Variants in OTOG observed in about 807,000 individuals in gnomAD.
OTOG encodes the protein otogelin.
A neutral mutation model predicts 313.8 loss-of-function variants in OTOG; 296 were observed. The ratio of observed to expected loss-of-function variants is 0.94; its 90% confidence interval spans 0.86 to 1.04. The LOEUF is 1.04. Among genes scored for constraint, OTOG ranks in the 50% least tolerant of loss-of-function variants. The pLI is 0.00. For missense variants in OTOG, 3,948 were observed against 3,840.1 expected, an observed-to-expected ratio of 1.03 and a Z score of -0.74; for synonymous variants, 1,533 against 1,554.9, an observed-to-expected ratio of 0.99 and a Z score of 0.33.
Position 17,611,277 on chromosome 11 carries a change from T to C in OTOG, c.5977T>C (p.Ser1993Pro), listed in dbSNP as rs1439648813. ...LPQLAEAHGTSAGPHLAAEPV... is the reference protein window; with the variant it reads ...LPQLAEAHGTPAGPHLAAEPV... ...TCAGCTGGCTGAGGCCCATGGAACC[T>C]CGGCAGGGCCTCACCTGGCAGCAGA... The change falls in exon 36 of 56, where the codon TCG becomes CCG. Residue 1993 changes from serine (S) to proline (P), a missense_variant. Physicochemically the swap from Ser to Pro is moderately conservative, Grantham distance 74 (BLOSUM62 -1). Transcript: ENST00000399397. 6.5e-7 allele frequency: 1 copy of C among 1,550,224 alleles called. No individual in the cohort carries two copies. Among genetic ancestry groups the C allele is most frequent in the Non-Finnish European group, 8.7e-7 (1 of 1,146,940 alleles).
In OTOG at chr11:17,602,244, G is replaced by T; in HGVS notation, c.3744G>T (p.Leu1248Phe). 9 of 1,550,578 alleles carry T rather than the reference G, an allele frequency of 5.8e-6. 1 individual carries two copies. The highest frequency in any genetic ancestry group is 3.4e-4 in the Middle Eastern group (2 of 5,970). Reference protein sequence around the residue: ...LGKGPYQLSSLAAGGALVGMK... With the variant: ...LGKGPYQLSSFAAGGALVGMK... Reference sequence around the variant, plus strand: ...AGGGCCCCTATCAGCTATCCAGCTTGGCAGCCGGTGGTGCTCTGGTGGGCA... The same window carrying T: ...AGGGCCCCTATCAGCTATCCAGCTTTGCAGCCGGTGGTGCTCTGGTGGGCA... The change falls in exon 32 of 56, where the codon TTG (leucine) becomes TTT (phenylalanine). Residue 1248 changes from leucine (L) to phenylalanine (F), a missense_variant. Physicochemically the swap from Leu to Phe is conservative, Grantham distance 22. Transcript: ENST00000399397.
intron 12 of OTOG, among the ~76,000 whole-genome samples, chr11:17,559,987 G>A (rs1251594146): frequency 6.6e-6 from 1 of 152,198 alleles, no homozygotes; most frequent in African/African-American, 2.4e-5. Flanking sequence ...TAAGGGAAGT[G>A]AGGGTGAGGA....
chr11:17,630,436 G>A (rs1854094741), intron 40 of OTOG, among the ~76,000 whole-genome samples: 1 of 152,160 alleles, frequency 6.6e-6, no homozygotes, highest in Non-Finnish European at 1.5e-5. Context: ...GTGTGACCAT[G>A]GGAACCATTA....
chr11:17,620,800 T>C (rs1404927630), intron 39 of OTOG, among the ~76,000 whole-genome samples: 7 of 152,226 alleles, frequency 4.6e-5, no homozygotes, highest in Non-Finnish European at 7.3e-5. Flanking sequence ...CATCATTCTC[T>C]TGGGTCTTTT....
chr11:17,547,500 C>T, intron 1 of OTOG, 34 bp downstream of exon 1: 1 of 1,325,130 alleles, frequency 7.5e-7, no homozygotes, highest in Non-Finnish European at 9.6e-7. Flanking sequence ...AGGTCGGGGG[C>T]TCGAGGAATG....
Position 17,596,990 on chromosome 11 carries a change from G to T in OTOG, c.3665G>T (p.Arg1222Leu). Residue 1222 changes from arginine to leucine, a missense_variant, in exon 30 of 56, where the codon CGA becomes CTA. Physicochemically the swap from Arg to Leu is moderately radical, Grantham distance 102 (BLOSUM62 -2). Coordinates refer to ENST00000399397, the MANE Select transcript of OTOG (RefSeq NM_001292063.2). Reference sequence around the variant, plus strand: ...CAGCATGGGGTGGCTGTTGACTGGCGAACCCCCCGCCTCTGCCGTGAGTGT... The same window carrying T: ...CAGCATGGGGTGGCTGTTGACTGGCTAACCCCCCGCCTCTGCCGTGAGTGT... Reference protein sequence around the residue: ...CCQHGVAVDWRTPRLCPYDCD... With the variant: ...CCQHGVAVDWLTPRLCPYDCD... 6.5e-7 allele frequency: 1 copy of T among 1,548,680 alleles called. No homozygotes were observed. The highest frequency in any genetic ancestry group is 1.2e-5 in the South Asian group (1 of 84,026).
At chr11:17,563,825 C>T (rs1034918403) in intron 15 of OTOG, among the ~76,000 whole-genome samples, 1 of 151,182 alleles carries the variant, frequency 6.6e-6, no homozygotes, top group African/African-American at 2.4e-5. Context: ...GTACCACAGA[C>T]ACGTGCCACC....
Position 17,611,118 on chromosome 11 carries a change from C to T in OTOG, c.5818C>T (p.His1940Tyr), listed in dbSNP as rs748280789. The T allele has an allele frequency of 3.9e-6, 6 of 1,550,568 alleles. No homozygotes were observed. Among genetic ancestry groups the T allele is most frequent in the Non-Finnish European group, 5.2e-6 (6 of 1,146,950 alleles). ...CACAGAGCTCACGCCTGCTACGAGC[C>T]ACCCTCTCACGCCCTTGGTGGCTGA... The part of the protein sequence containing the change: ...GPTELTPATS[H>Y]PLTPLVAEPE... The change falls in exon 36 of 56, where the codon CAC becomes TAC. Residue 1940 changes from histidine to tyrosine, a missense_variant. By Grantham distance (83) the His-to-Tyr change is moderately conservative. Coordinates refer to ENST00000399397, the MANE Select transcript of OTOG (RefSeq NM_001292063.2).
chr11:17,640,966 A>G lies in OTOG; in HGVS notation c.8065A>G (p.Thr2689Ala). 2 of 1,548,510 alleles carry G rather than the reference A, an allele frequency of 1.3e-6. No individual in the cohort carries two copies. The highest frequency in any genetic ancestry group is 1.7e-6 in the Non-Finnish European group (2 of 1,146,958). ...GCTGGGTGTGATGCAGCCCGGCCAG[A>G]CAGTGGTGGAGCTCTCAGCAGATGG... ...RELGVMQPGQ[T>A]VVELSADGVC... Residue 2689 changes from threonine to alanine, a missense_variant, in exon 51 of 56, where the codon ACA (threonine) becomes GCA (alanine). Coordinates refer to ENST00000399397, the MANE Select transcript of OTOG (RefSeq NM_001292063.2).
intron 39 of OTOG, among the ~76,000 whole-genome samples, chr11:17,619,940 A>G (rs1317605368): frequency 6.6e-6 from 1 of 152,154 alleles, no homozygotes; most frequent in Admixed American, 6.6e-5. Flanking sequence ...TCTACTGGTG[A>G]TAAATTCTTT....
chr11:17,634,602 T>A (rs2133708572), intron 44 of OTOG, among the ~76,000 whole-genome samples: 1 of 152,250 alleles, frequency 6.6e-6, no homozygotes, highest in Non-Finnish European at 1.5e-5. Flanking sequence ...ATCGGGCCCA[T>A]CTTTGGGGTT....
intron 14 of OTOG, 99 bp from the exon 15 acceptor site, chr11:17,561,563 G>C (rs772311232): frequency 8.1e-5 from 104 of 1,276,750 alleles, no homozygotes; most frequent in Non-Finnish European, 1.0e-4. Context: ...CTCTTATTCT[G>C]GAGGGCAGGG....
chr11:17,595,482 G>A (rs933978183), intron 28 of OTOG, among the ~76,000 whole-genome samples: 8 of 152,218 alleles, frequency 5.3e-5, no homozygotes, highest in African/African-American at 1.9e-4. Context: ...CCAGGAGTCA[G>A]GACACGGCCT....
intron 29 of OTOG, 22 bp downstream of exon 29, chr11:17,596,176 C>T (rs1853100252): frequency 6.6e-7 from 1 of 1,515,376 alleles, no homozygotes; most frequent in Non-Finnish European, 9.0e-7. Context: ...CCAGCCTCGG[C>T]TCCTCCCGAG....
chr11:17,571,527 T>C (rs1482110504), intron 17 of OTOG, among the ~76,000 whole-genome samples: 3 of 152,190 alleles, frequency 2.0e-5, no homozygotes, highest in Non-Finnish European at 2.9e-5. Context: ...GACGGTTTCC[T>C]ACTGAGAGAG....
chr11:17,642,235 G>C lies in OTOG; in HGVS notation c.8404G>C (p.Glu2802Gln). Residue 2802 changes from glutamate (E) to glutamine (Q), a missense_variant, in exon 53 of 56, where the codon GAG (glutamate) becomes CAG (glutamine). Coordinates refer to ENST00000399397, the MANE Select transcript of OTOG (RefSeq NM_001292063.2). ...AAGCTGCCCACCGCTCAATGAGACT[G>C]AGTGTGCCAAGGTCAGTGCCTCCTT... Reference protein sequence around the residue: ...PISCPPLNETECAKVGGSVVP... With the variant: ...PISCPPLNETQCAKVGGSVVP... 1 of 1,549,536 alleles carries C rather than the reference G, an allele frequency of 6.5e-7. No individual in the cohort carries two copies. Among genetic ancestry groups the C allele is most frequent in the Non-Finnish European group, 8.7e-7 (1 of 1,146,404 alleles).
chr11:17,610,143 C>T lies in OTOG; in HGVS notation c.4843C>T (p.Leu1615Phe). The change falls in exon 36 of 56, where the codon CTC (leucine) becomes TTC (phenylalanine). Residue 1615 changes from leucine (L) to phenylalanine (F), a missense_variant. Transcript: ENST00000399397. ...GTCGCCCCCTGCCCCTCGCTTCCCG[C>T]TCATGACCAAGGCTGTGACAGTCCG... ...SRSPPAPRFP[L>F]MTKAVTVRGH... 1 of 1,550,666 alleles carries T rather than the reference C, an allele frequency of 6.4e-7. No individual in the cohort carries two copies.
chr11:17,636,568 G>C (rs1854271599), intron 47 of OTOG, among the ~76,000 whole-genome samples: 1 of 152,154 alleles, frequency 6.6e-6, no homozygotes, highest in South Asian at 2.1e-4. Context: ...TCCCATGAGA[G>C]TTGCCCAGAT....
chr11:17,588,821 A>G (rs1395180370), intron 24 of OTOG, among the ~76,000 whole-genome samples: 2 of 151,222 alleles, frequency 1.3e-5, no homozygotes, highest in African/African-American at 4.9e-5. Flanking sequence ...TGCCGTTCCC[A>G]ACAACTCACC....
Sources: allele counts gnomAD v4.1 joint callset (sites outside exome capture counted in the v4.1 genomes callset), GRCh38; gene constraint gnomAD v4.1.1; transcripts MANE v1.5; gene names NCBI Gene and HGNC (gene_info 2026-07-23, HGNC 2026-07-21).